Variants in GLRA2 observed in about 807,000 individuals in gnomAD.
GLRA2 encodes the protein glycine receptor subunit alpha-2.
GLRA2 carries 11 observed loss-of-function variants against 31.6 expected under a neutral mutation model. The observed-to-expected ratio is 0.35, with a 90% confidence interval of 0.22 to 0.58. GLRA2 has a LOEUF of 0.58. Ranked by LOEUF, GLRA2 falls within the 20% of genes least tolerant of loss-of-function variation. The pLI is 0.84. For missense variants in GLRA2, 212 were observed against 351.8 expected, an observed-to-expected ratio of 0.60 and a Z score of 3.18; for synonymous variants, 132 against 134.0, an observed-to-expected ratio of 0.99 and a Z score of 0.10.
At chrX:14,449,585 T>C in the GLRA2 span, among the ~76,000 whole-genome samples, 2 of 112,207 alleles carry the variant, frequency 1.8e-5, no homozygotes, top group South Asian at 3.7e-4. Context: ...ACCTGATCCA[T>C]GTGCCCACTT....
intron 7 of GLRA2, among the ~76,000 whole-genome samples, chrX:14,682,158 G>T (rs2091220782): frequency 9.3e-6 from 1 of 107,578 alleles, no homozygotes; most frequent in African/African-American, 3.4e-5. Flanking sequence ...ATGAGAGAAA[G>T]GGGAAAGGTC....
intron 7 of GLRA2, among the ~76,000 whole-genome samples, chrX:14,653,768 C>A (rs1326870613): frequency 8.9e-6 from 1 of 112,294 alleles, no homozygotes; most frequent in East Asian, 2.8e-4. Context: ...TCACATGATA[C>A]AGAGAAATCT....
chrX:14,658,543 A>T (rs1486290514), intron 7 of GLRA2, among the ~76,000 whole-genome samples: 1 of 110,246 alleles, frequency 9.1e-6, no homozygotes, highest in Admixed American at 9.7e-5. Flanking sequence ...TTTCCTCAAA[A>T]CTCATTCCAG....
intron 1 of GLRA2, 25 bp downstream of exon 1, chrX:14,530,150 G>C (rs1217088907): frequency 2.1e-6 from 2 of 955,415 alleles, no homozygotes; most frequent in Non-Finnish European, 3.0e-6. Context: ...TTTGCATGTT[G>C]ATATTTAAAT....
At chrX:14,487,387 TAAAAAAAAAAAAAA>T in the GLRA2 span, among the ~76,000 whole-genome samples, 2 of 27,946 alleles carry the variant, frequency 7.2e-5, no homozygotes, top group Non-Finnish European at 1.3e-4. Context: ...TGGTTTTCTG[TAAAAAAAAAAAAAA>T]AAAAAAAAAA....
chrX:14,508,344 C>T, the GLRA2 span, among the ~76,000 whole-genome samples: 1 of 111,882 alleles, frequency 8.9e-6, no homozygotes, highest in Non-Finnish European at 1.9e-5. Flanking sequence ...AGAAAGAAAA[C>T]GTTAAAATTT....
At position 14,730,546 on chromosome X, in the gene GLRA2, A is replaced by ATATAAAGAC; in HGVS notation, c.*61_*62insTATAAAGAC. 3 of 603,057 alleles carry ATATAAAGAC rather than the reference A, an allele frequency of 5.0e-6. No individual in the cohort carries two copies. The highest frequency in any genetic ancestry group is 7.3e-6 in the Non-Finnish European group (3 of 412,921). 49.7% of individuals were successfully genotyped at this position (603,057 alleles called of 1,213,427 possible). On this transcript the variant is annotated 3_prime_UTR_variant, in exon 9 of 9. Transcript: ENST00000218075. ...GTGTTGTGCTTGTAAATACACAGTG[A>ATATAAAGAC]AATTGTCTTTATATCACTTTGACAG...
chrX:14,636,346 A>G (rs770755324), intron 7 of GLRA2, among the ~76,000 whole-genome samples: 1 of 111,337 alleles, frequency 9.0e-6, no homozygotes, highest in Non-Finnish European at 1.9e-5. Context: ...TAGTCAGGTG[A>G]TCAAGGTCAG....
At chrX:14,712,986 T>C (rs1376609778) in intron 8 of GLRA2, among the ~76,000 whole-genome samples, 2 of 112,102 alleles carry the variant, frequency 1.8e-5, no homozygotes, top group Non-Finnish European at 3.8e-5. Context: ...CTGGGAAATA[T>C]AGTTCTTCCC....
At chrX:14,451,908 G>A in the GLRA2 span, among the ~76,000 whole-genome samples, 1 of 111,547 alleles carries the variant, frequency 9.0e-6, no homozygotes, top group East Asian at 2.8e-4. Flanking sequence ...TCAACAACAA[G>A]ATTTAACTAT....
At chrX:14,505,654 G>A in the GLRA2 span, among the ~76,000 whole-genome samples, 1 of 111,807 alleles carries the variant, frequency 8.9e-6, no homozygotes, top group Non-Finnish European at 1.9e-5. Context: ...TTCCTTGGCT[G>A]CAAAATGAAT....
At chrX:14,696,870 A>C (rs2091454791) in intron 8 of GLRA2, among the ~76,000 whole-genome samples, 1 of 112,157 alleles carries the variant, frequency 8.9e-6, no homozygotes, top group Non-Finnish European at 1.9e-5. Context: ...GATGTTCTTA[A>C]GTTTGTGTAT....
chrX:14,680,540 A>G (rs886275139), intron 7 of GLRA2, among the ~76,000 whole-genome samples: 2 of 112,017 alleles, frequency 1.8e-5, no homozygotes, highest in African/African-American at 6.5e-5. Context: ...AGCTCAAAAC[A>G]TCTAAGGATT....
chrX:14,588,480 G>A (rs113814984), intron 4 of GLRA2, among the ~76,000 whole-genome samples: 3 of 111,648 alleles, frequency 2.7e-5, no homozygotes, highest in African/African-American at 6.5e-5. Context: ...TTTTATTACT[G>A]TAGCCTTATA....
intron 7 of GLRA2, among the ~76,000 whole-genome samples, chrX:14,632,763 C>T (rs1024765946): frequency 1.8e-5 from 2 of 111,498 alleles, no homozygotes; most frequent in Non-Finnish European, 3.8e-5. Flanking sequence ...TCATACTTAA[C>T]GCCATGGATG....
the GLRA2 span, among the ~76,000 whole-genome samples, chrX:14,465,710 A>G: frequency 8.9e-6 from 1 of 112,217 alleles, no homozygotes; most frequent in South Asian, 3.7e-4. Context: ...CAAGGATTGA[A>G]CAAGTTAGAA....
At chrX:14,478,548 CCTT>C in the GLRA2 span, among the ~76,000 whole-genome samples, 131 of 111,944 alleles carry the variant, frequency 1.2e-3, no homozygotes, top group Middle Eastern at 4.6e-3. Context: ...AAAATGTTTA[CCTT>C]CTTCTAGTCA....
the GLRA2 span, among the ~76,000 whole-genome samples, chrX:14,481,206 C>A: frequency 9.0e-6 from 1 of 111,286 alleles, no homozygotes; most frequent in Admixed American, 9.6e-5. Context: ...CTACTGATTT[C>A]TGTACATTGA....
At chrX:14,501,446 T>C in the GLRA2 span, among the ~76,000 whole-genome samples, 1 of 111,628 alleles carries the variant, frequency 9.0e-6, no homozygotes, top group Non-Finnish European at 1.9e-5. Context: ...TCGTTTGGCT[T>C]ATGTTCCATC....
Sources: allele counts gnomAD v4.1 joint callset (sites outside exome capture counted in the v4.1 genomes callset), GRCh38; gene constraint gnomAD v4.1.1; transcripts MANE v1.5; gene names NCBI Gene and HGNC (gene_info 2026-07-23, HGNC 2026-07-21).